IL26: variants seen among roughly 807,000 people sequenced by gnomAD.
IL26 encodes the protein interleukin-26.
A neutral mutation model predicts 21.7 loss-of-function variants in IL26; 23 were observed. That is an observed-to-expected ratio of 1.06 (90% CI 0.76 to 1.50). The LOEUF (loss-of-function observed/expected upper bound fraction) is 1.50, where lower values mean the gene tolerates loss of function less well. Ranked by LOEUF, IL26 falls within the 40% of genes most tolerant of loss-of-function variation. IL26 has a pLI of 0.00. For synonymous variants in IL26, 63 were observed against 67.8 expected, an observed-to-expected ratio of 0.93 and a Z score of 0.34; for missense variants, 204 against 196.0, an observed-to-expected ratio of 1.04 and a Z score of -0.24.
chr12:68,220,912 T>C (rs749111011), intron 3 of IL26, among the ~76,000 whole-genome samples: 9 of 152,216 alleles, frequency 5.9e-5, no homozygotes, highest in Non-Finnish European at 1.2e-4. Flanking sequence ...GCTGGGATTG[T>C]AGGCGTAAGC....
At chr12:68,211,866 G>A (rs10784692) in intron 3 of IL26, among the ~76,000 whole-genome samples, 108,901 of 151,944 alleles carry the variant, frequency 0.72, 39,304 homozygotes, top group African/African-American at 0.8. Flanking sequence ...GCTGGGCAGA[G>A]GATTTTTAGC....
At chr12:68,211,689 A>G (rs1181954481) in intron 3 of IL26, among the ~76,000 whole-genome samples, 1 of 152,044 alleles carries the variant, frequency 6.6e-6, no homozygotes, top group Non-Finnish European at 1.5e-5. Flanking sequence ...GGCCATTTGT[A>G]TGTCTATTCA....
In IL26 at chr12:68,201,811, A is replaced by G. The variant is rs376101183; in HGVS notation, c.*34T>C. On this transcript the variant is annotated 3_prime_UTR_variant, in exon 5 of 5. Transcript: ENST00000229134. ...TTCTAGCAGTTCTTATTGTATTTCA[A>G]AATAACTGTAAAATCAATGTACTTG... 1.7e-4 allele frequency: 236 copies of G among 1,413,976 alleles called. No individual in the cohort carries two copies. The highest frequency in any genetic ancestry group is 2.1e-4 in the Non-Finnish European group (218 of 1,026,248). 87.6% of individuals were successfully genotyped at this position (1,413,976 alleles called of 1,614,324 possible).
rs540693081 is a variant in IL26, at chr12:68,210,338, C to CAAAAAAAAA, written c.364-8264_364-8256dup. Among the ~76,000 whole-genome samples, 16 of 22,092 alleles carry CAAAAAAAAA rather than the reference C, an allele frequency of 7.2e-4. 2 individuals carry two copies. The highest frequency in any genetic ancestry group is 1.2e-3 in the Non-Finnish European group (12 of 9,866). The allele number at this position is 22,092 out of a possible 152,430, so 14.5% of individuals were successfully genotyped here. Reference sequence around the variant, plus strand: ...ACTAAATAAATAAATATCAGTTTGGCAAAAAAAAAAAAAAAAAAAAAAAAA... The same window carrying CAAAAAAAAA: ...ACTAAATAAATAAATATCAGTTTGGCAAAAAAAAAAAAAAAAAAAAAAAAAAAAAAAAAA... On this transcript the variant is annotated intron_variant, in intron 3 of 4. Coordinates refer to ENST00000229134, the MANE Select transcript of IL26 (RefSeq NM_018402.2).
chr12:68,225,251 G>A lies in IL26; in HGVS notation c.261C>T (p.Ser87=), dbSNP rs1199571546. The stretch of plus-strand genomic sequence containing the variant: ...GACCAAAAACGTCTTCCATGAAGAA[G>A]GACAGAAGCTGTTCTTGAAATTGAC... ...KNCQFQEQLL[S]FFMEDVFGQL... The change falls in exon 3 of 5, where the codon TCC becomes TCT. Residue 87 remains serine (S), a synonymous_variant. Coordinates refer to ENST00000229134, the MANE Select transcript of IL26 (RefSeq NM_018402.2). The A allele has an allele frequency of 6.8e-6, 11 of 1,611,088 alleles. No individual in the cohort carries two copies. Among genetic ancestry groups the A allele is most frequent in the Non-Finnish European group, 8.5e-6 (10 of 1,179,112 alleles).
chr12:68,223,929 C>T (rs576575952), intron 3 of IL26, among the ~76,000 whole-genome samples: 4 of 139,088 alleles, frequency 2.9e-5, no homozygotes, highest in South Asian at 2.3e-4. Flanking sequence ...TTAACCTAGC[C>T]GATCTACTCA....
rs1267004692 is a variant in IL26 at position 68,224,629 on chromosome 12, TAAAG to T, written c.363+516_363+519del. On this transcript the variant is annotated intron_variant, in intron 3 of 4. Transcript: ENST00000229134. Reference sequence around the variant, plus strand: ...AGAGAGAGAAAGAAAGAAAAGGAAGTAAAGAAAGAAGGAAGGAAGGAAAAGAAAG... The same window carrying T: ...AGAGAGAGAAAGAAAGAAAAGGAAGTAAAGAAGGAAGGAAGGAAAAGAAAG... 4.7e-3 allele frequency among the ~76,000 whole-genome samples: 639 copies of T among 135,010 alleles called. 6 individuals carry two copies. The highest frequency in any genetic ancestry group is 0.017 in the African/African-American group (591 of 35,180). The allele number at this position is 135,010 out of a possible 152,430, so 88.6% of individuals were successfully genotyped here. A position where few individuals can be genotyped will look rare whatever the true frequency, so the allele number is the denominator to read the frequency against.
intron 3 of IL26, among the ~76,000 whole-genome samples, chr12:68,213,835 A>C (rs1868800885): frequency 6.6e-6 from 1 of 151,550 alleles, no homozygotes; most frequent in Admixed American, 6.6e-5. Context: ...GCACTTCCCT[A>C]TTGTTTTGTA....
rs1166789899 is a variant in IL26, at chr12:68,218,085, A to G, written c.363+7064T>C. 2.0e-5 allele frequency among the ~76,000 whole-genome samples: 3 copies of G among 152,148 alleles called. No individual in the cohort carries two copies. In the South Asian group the frequency reaches 6.2e-4, roughly 31 times the overall value. On this transcript the variant is annotated intron_variant, in intron 3 of 4. Coordinates refer to ENST00000229134, the MANE Select transcript of IL26 (RefSeq NM_018402.2). ...ATCTGAAAAGATCAAACTGTTTGCA[A>G]CTAATTTAACTGTGTCCCAGAAGAA...
intron 3 of IL26, among the ~76,000 whole-genome samples, chr12:68,210,616 C>T (rs150151317): frequency 2.6e-5 from 4 of 152,174 alleles, no homozygotes; most frequent in Admixed American, 6.5e-5. Context: ...TATCCAACAA[C>T]TCAGTAGATA....
chr12:68,214,884 GT>G (rs35904332), intron 3 of IL26, among the ~76,000 whole-genome samples: 67,915 of 144,298 alleles, frequency 0.47, 16,402 homozygotes, highest in Middle Eastern at 0.57. Context: ...CCTGTTTTAT[GT>G]TTTTTTTTTT....
At chr12:68,206,111 T>C (rs952845318) in intron 3 of IL26, among the ~76,000 whole-genome samples, 6 of 152,258 alleles carry the variant, frequency 3.9e-5, no homozygotes, top group Admixed American at 2.6e-4. Context: ...TTGTAAATTC[T>C]ATGAAGTTAT....
chr12:68,225,356 A>C, intron 2 of IL26, 73 bp from the exon 3 acceptor site: 1 of 1,536,336 alleles, frequency 6.5e-7, no homozygotes, highest in Non-Finnish European at 8.9e-7. Flanking sequence ...ATCATTACTT[A>C]ATTACTCTCT....
Position 68,201,640 on chromosome 12 carries a change from G to T in IL26, c.*205C>A. 4 of 416,402 alleles carry T rather than the reference G, an allele frequency of 9.6e-6. No homozygotes were observed. The highest frequency in any genetic ancestry group is 8.5e-6 in the Non-Finnish European group (2 of 235,046). The allele number at this position is 416,402 out of a possible 1,614,324, so 25.8% of individuals were successfully genotyped here. On this transcript the variant is annotated 3_prime_UTR_variant, in exon 5 of 5. Coordinates refer to ENST00000229134, the MANE Select transcript of IL26 (RefSeq NM_018402.2). ...CATGTTCAGAATGGAAACATTATTT[G>T]AAAACACAGAAAATGTGCAAATTAG... is the stretch of plus-strand genomic sequence containing the variant.
At chr12:68,210,680 C>T (rs967198633) in intron 3 of IL26, among the ~76,000 whole-genome samples, 2 of 152,078 alleles carry the variant, frequency 1.3e-5, no homozygotes, top group African/African-American at 4.8e-5. Flanking sequence ...TTCTCTATAA[C>T]TACAAAGATC....
At position 68,214,898 on chromosome 12, in the gene IL26, A is replaced by T. The variant is rs866762072; in HGVS notation, c.363+10251T>A. On this transcript the variant is annotated intron_variant, in intron 3 of 4. Transcript: ENST00000229134. ...ACCTGTTTTATGTTTTTTTTTTTTT[A>T]TTTCATTTTGTTTTTTTTAACTCCT... Among the ~76,000 whole-genome samples the T allele has an allele frequency of 4.4e-3, 589 of 134,114 alleles. 5 individuals are homozygous for T. The highest frequency in any genetic ancestry group is 0.041 in the South Asian group (179 of 4,356). 88.0% of individuals were successfully genotyped at this position (134,114 alleles called of 152,430 possible).
At chr12:68,216,445 T>C (rs1412129933) in intron 3 of IL26, among the ~76,000 whole-genome samples, 1 of 152,194 alleles carries the variant, frequency 6.6e-6, no homozygotes, top group Non-Finnish European at 1.5e-5. Context: ...GTTCTGTGCA[T>C]GAAAAGCAAT....
intron 3 of IL26, among the ~76,000 whole-genome samples, chr12:68,216,647 C>G (rs900805398): frequency 6.6e-6 from 1 of 152,144 alleles, no homozygotes; most frequent in Non-Finnish European, 1.5e-5. Flanking sequence ...TTTTAAATTA[C>G]AGGGATGAAT....
In IL26 at chr12:68,201,770, A is replaced by G; in HGVS notation, c.*75T>C. The G allele has an allele frequency of 3.0e-6, 3 of 987,078 alleles. No individual in the cohort carries two copies. The South Asian group carries it at 5.4e-5, about 18-fold the overall frequency. The allele number at this position is 987,078 out of a possible 1,614,324, so 61.1% of individuals were successfully genotyped here. On this transcript the variant is annotated 3_prime_UTR_variant, in exon 5 of 5. Coordinates refer to ENST00000229134, the MANE Select transcript of IL26 (RefSeq NM_018402.2). ...GTTAAAAAGTTTTTAAAAGAAATAGACTGTTATAAACATATTTCTAGCAGT... is the reference window on the plus strand; with the variant it reads ...GTTAAAAAGTTTTTAAAAGAAATAGGCTGTTATAAACATATTTCTAGCAGT...
Sources: gnomAD v4.1 joint callset for allele counts (sites outside exome capture counted in the v4.1 genomes callset) on GRCh38, gnomAD v4.1.1 for gene constraint, MANE v1.5 for transcripts, NCBI Gene and HGNC (gene_info 2026-07-23, HGNC 2026-07-21) for gene names.